Variants in NBAS observed in about 807,000 individuals in gnomAD.
The protein encoded by NBAS is NBAS subunit of NRZ tethering complex.
Under a neutral mutation model 302.5 loss-of-function variants are expected in NBAS, and 219 were observed. That is an observed-to-expected ratio of 0.72 (90% CI 0.65 to 0.81). NBAS has a LOEUF of 0.81. Ranked by LOEUF, NBAS falls within the 30% of genes least tolerant of loss-of-function variation. NBAS has a pLI of 0.00. For synonymous variants in NBAS, 1,118 were observed against 1,021.6 expected, an observed-to-expected ratio of 1.09 and a Z score of -1.80; for missense variants, 2,932 against 2,841.6, an observed-to-expected ratio of 1.03 and a Z score of -0.72.
At chr2:15,528,878 A>AT (rs1553333170) in intron 9 of NBAS, among the ~76,000 whole-genome samples, 4,839 of 121,366 alleles carry the variant, frequency 0.04, 231 homozygotes, top group African/African-American at 0.11. Context: ...AAAAAAAAAA[A>AT]ATATATATAT....
intron 33 of NBAS, 91 bp downstream of exon 33, chr2:15,356,212 A>C (rs1228024744): frequency 1.8e-6 from 2 of 1,084,736 alleles, no homozygotes; most frequent in Non-Finnish European, 2.9e-6. Context: ...CTGGCTTACC[A>C]ATCAGGTCAA....
intron 32 of NBAS, 76 bp downstream of exon 32, chr2:15,366,504 T>C: frequency 7.4e-7 from 1 of 1,355,518 alleles, no homozygotes; most frequent in Non-Finnish European, 1.1e-6. Flanking sequence ...TAAGCACATA[T>C]TCTGCTATTG....
the NBAS span, among the ~76,000 whole-genome samples, chr2:15,140,515 C>A: frequency 1.7e-4 from 26 of 152,314 alleles, no homozygotes; most frequent in East Asian, 5.0e-3. Context: ...TTCTCATTTG[C>A]AAATGAGATT....
chr2:15,162,197 G>A (rs186149338), downstream of NBAS, among the ~76,000 whole-genome samples: 280 of 152,270 alleles, frequency 1.8e-3, no homozygotes, highest in Non-Finnish European at 2.7e-3. Flanking sequence ...CCCTGCCTCC[G>A]CAACAGGCGC....
At chr2:15,409,107 T>C (rs1383277156) in intron 25 of NBAS, among the ~76,000 whole-genome samples, 1 of 152,206 alleles carries the variant, frequency 6.6e-6, no homozygotes, top group Admixed American at 6.5e-5. Flanking sequence ...ATTTAACACA[T>C]ATATATTATT....
chr2:14,921,364 C>T, the NBAS span, among the ~76,000 whole-genome samples: 25 of 152,168 alleles, frequency 1.6e-4, no homozygotes, highest in South Asian at 1.2e-3. Context: ...ATAATGAAGA[C>T]GTTTGAAATA....
Position 15,218,908 on chromosome 2 carries a change from G to A in NBAS, c.6297C>T (p.Asp2099=), listed in dbSNP as rs1420813269. 22 of 1,614,112 alleles carry A rather than the reference G, an allele frequency of 1.4e-5. No individual in the cohort carries two copies. The highest frequency in any genetic ancestry group is 2.2e-5 in the East Asian group (1 of 44,894). The change falls in exon 48 of 52, where the codon GAC becomes GAT. Residue 2099 remains aspartate (D), a synonymous_variant. Coordinates refer to ENST00000281513, the MANE Select transcript of NBAS (RefSeq NM_015909.4). ...GAATGCGGGGCCGCACCGGCCAGGC[G>A]TCATCAGCACAGAAAGGCCGCAGCC... is the stretch of plus-strand genomic sequence containing the variant. ...LEWLRPFCAD[D]AWPVRPRIHV...
rs748375322 is a variant in NBAS, at chr2:15,325,140, A to G, written c.4582+2610T>C. On this transcript the variant is annotated intron_variant, in intron 38 of 51. Transcript: ENST00000281513. ...ATTATTTTGCCTTTTTGTAAACCATACCTTTTATATGAGAGGTATTCAAAT... is the reference window on the plus strand; with the variant it reads ...ATTATTTTGCCTTTTTGTAAACCATGCCTTTTATATGAGAGGTATTCAAAT... Among the ~76,000 whole-genome samples, 52 of 152,122 alleles carry G rather than the reference A, an allele frequency of 3.4e-4. 1 individual carries two copies. The highest frequency in any genetic ancestry group is 5.4e-4 in the Non-Finnish European group (37 of 68,030).
intron 48 of NBAS, among the ~76,000 whole-genome samples, chr2:15,191,742 A>C (rs1380542600): frequency 6.6e-6 from 1 of 152,240 alleles, no homozygotes; most frequent in African/African-American, 2.4e-5. Context: ...TTTTGATAAT[A>C]GAGTTGGACC....
chr2:14,942,562 C>T, the NBAS span, among the ~76,000 whole-genome samples: 1 of 152,176 alleles, frequency 6.6e-6, no homozygotes, highest in African/African-American at 2.4e-5. Context: ...CCTGTGGAAC[C>T]ATGAGCCAAT....
chr2:15,497,709 T>C (rs749214591), intron 11 of NBAS, among the ~76,000 whole-genome samples: 1 of 152,144 alleles, frequency 6.6e-6, no homozygotes, highest in Non-Finnish European at 1.5e-5. Flanking sequence ...TAGGACTTCT[T>C]GGGATCTGAA....
chr2:14,784,434 G>A, the NBAS span, among the ~76,000 whole-genome samples: 6 of 152,054 alleles, frequency 3.9e-5, no homozygotes, highest in African/African-American at 9.7e-5. Context: ...TTTCTTCTAG[G>A]GTTTTTATGG....
intron 41 of NBAS, among the ~76,000 whole-genome samples, chr2:15,288,125 A>G (rs1212130287): frequency 1.3e-5 from 2 of 152,252 alleles, no homozygotes; most frequent in Non-Finnish European, 2.9e-5. Context: ...CAATCAAAAG[A>G]TAGTGCATCC....
intron 40 of NBAS, among the ~76,000 whole-genome samples, chr2:15,294,771 A>T (rs931826524): frequency 4.6e-5 from 7 of 152,194 alleles, no homozygotes; most frequent in African/African-American, 1.7e-4. Flanking sequence ...AGCTCTTTTC[A>T]GTTGTTCCTT....
intron 35 of NBAS, among the ~76,000 whole-genome samples, chr2:15,333,462 A>G (rs1275651272): frequency 6.6e-6 from 1 of 152,204 alleles, no homozygotes; most frequent in Non-Finnish European, 1.5e-5. Context: ...AGTAACAATC[A>G]GATTTGTGTT....
At chr2:15,124,397 G>C in the NBAS span, among the ~76,000 whole-genome samples, 1 of 152,314 alleles carries the variant, frequency 6.6e-6, no homozygotes, top group East Asian at 1.9e-4. Context: ...AAAAGGGAAA[G>C]AGAGCATACA....
chr2:15,308,046 C>T (rs180673865), intron 40 of NBAS, among the ~76,000 whole-genome samples, 170 bp downstream of exon 40: 41 of 152,292 alleles, frequency 2.7e-4, no homozygotes, highest in Non-Finnish European at 5.4e-4. Flanking sequence ...CTTACTGATA[C>T]CTGGAGAAGC....
At chr2:15,310,694 G>A (rs1340082002) in intron 38 of NBAS, among the ~76,000 whole-genome samples, 1 of 152,224 alleles carries the variant, frequency 6.6e-6, no homozygotes, top group African/African-American at 2.4e-5. Context: ...ACCCTGCCTC[G>A]CCTATTACTT....
chr2:15,157,056 C>T, the NBAS span, among the ~76,000 whole-genome samples: 1 of 152,084 alleles, frequency 6.6e-6, no homozygotes, highest in African/African-American at 2.4e-5. Context: ...CTACCTGAAA[C>T]CTGTCTATGC....
Sources: gnomAD v4.1 joint callset for allele counts (sites outside exome capture counted in the v4.1 genomes callset) on GRCh38, gnomAD v4.1.1 for gene constraint, MANE v1.5 for transcripts, NCBI Gene and HGNC (gene_info 2026-07-23, HGNC 2026-07-21) for gene names.